The following SLC15A4 variants were observed in gnomAD, a reference collection of about 807,000 sequenced individuals.
SLC15A4 encodes the protein hPHT1.
A neutral mutation model predicts 46.1 loss-of-function variants in SLC15A4; 26 were observed. The observed-to-expected ratio is 0.56, with a 90% CI of 0.41 to 0.78. SLC15A4 has a LOEUF of 0.78. Among genes scored for constraint, SLC15A4 ranks in the 30% least tolerant of loss-of-function variants. The pLI is 0.00. For synonymous variants in SLC15A4, 370 were observed against 333.4 expected (o/e 1.11, Z -1.20); for missense variants, 751 against 755.7 (o/e 0.99, Z 0.07).
intron 7 of SLC15A4, among the ~76,000 whole-genome samples, chr12:128,797,650 C>A (rs922527075): frequency 1.3e-5 from 2 of 152,178 alleles, no homozygotes; most frequent in Admixed American, 6.5e-5. Context: ...GTGTCGGTCA[C>A]GAGATGGTGA....
In SLC15A4 at chr12:128,809,532, G is replaced by A. The variant is rs1450480558; in HGVS notation, c.1012-59C>T. ...CCAACTGTGCTCTCAAACACTCTAA[G>A]CATCCTGCCCCTCCCCTAAGCTAGA... is the stretch of plus-strand genomic sequence containing the variant. On this transcript the variant is annotated intron_variant, in intron 3 of 7. Transcript: ENST00000266771. 9 of 1,067,372 alleles carry A rather than the reference G, an allele frequency of 8.4e-6. No homozygotes were observed. In the East Asian group the frequency reaches 1.9e-4, roughly 23 times the overall value. The allele number at this position is 1,067,372 out of a possible 1,614,324, so 66.1% of individuals were successfully genotyped here. A position where few individuals can be genotyped will look rare whatever the true frequency, so the allele number is the denominator to read the frequency against.
intron 1 of SLC15A4, among the ~76,000 whole-genome samples, chr12:128,821,753 G>A (rs914153630): frequency 3.3e-5 from 5 of 152,070 alleles, no homozygotes; most frequent in Non-Finnish European, 5.9e-5. Flanking sequence ...GGGCACAGTG[G>A]CGTGCACGTG....
chr12:128,803,243 A>G, intron 5 of SLC15A4, among the ~76,000 whole-genome samples: 1 of 152,232 alleles, frequency 6.6e-6, no homozygotes, highest in African/African-American at 2.4e-5. Flanking sequence ...AAAGATTGTA[A>G]ATAAAGGAGA....
At chr12:128,796,223 G>C (rs928257425) in intron 7 of SLC15A4, among the ~76,000 whole-genome samples, 1 of 151,982 alleles carries the variant, frequency 6.6e-6, no homozygotes, top group African/African-American at 2.4e-5. Flanking sequence ...CAGGAATTCA[G>C]AATCAGCCTG....
At chr12:128,813,164 T>G (rs941737071) in intron 2 of SLC15A4, 1 of 151,706 alleles carries the variant, frequency 6.6e-6, no homozygotes, top group Non-Finnish European at 1.5e-5. Flanking sequence ...AAAAGACTAG[T>G]GTCAGCTAAG....
rs1217304362 is a variant in SLC15A4 at position 128,823,544 on chromosome 12, C to T, written c.400G>A (p.Gly134Ser). 3.4e-6 allele frequency: 5 copies of T among 1,452,638 alleles called. No individual in the cohort carries two copies. The highest frequency in any genetic ancestry group is 4.5e-6 in the Non-Finnish European group (5 of 1,110,768). 90.0% of individuals were successfully genotyped at this position (1,452,638 alleles called of 1,614,324 possible). The change falls in exon 1 of 8, where the codon GGT becomes AGT. Residue 134 changes from glycine (G) to serine (S), a missense_variant. By Grantham distance (56) the Gly-to-Ser change is moderately conservative. Transcript: ENST00000266771. ...AAPATRAALC[G>S]SARLLNCTAP... is the part of the protein sequence containing the mutation. Reference sequence around the variant, plus strand: ...GTGCAGTTGAGCAGGCGCGCGGAACCGCAGAGCGCGGCTCGCGTGGCGGGC... The same window carrying T: ...GTGCAGTTGAGCAGGCGCGCGGAACTGCAGAGCGCGGCTCGCGTGGCGGGC...
chr12:128,809,895 G>A, intron 3 of SLC15A4, 48 bp downstream of exon 3: 4 of 1,574,058 alleles, frequency 2.5e-6, no homozygotes, highest in Non-Finnish European at 3.5e-6. Context: ...GCTAGGGTAA[G>A]ACTTCATAGG....
At chr12:128,796,957 G>A (rs910135660) in intron 7 of SLC15A4, among the ~76,000 whole-genome samples, 9 of 152,154 alleles carry the variant, frequency 5.9e-5, no homozygotes, top group African/African-American at 1.4e-4. Context: ...ACCACGCCTC[G>A]TCAGGGTCTG....
In SLC15A4 at chr12:128,820,747, C is replaced by G. The variant is rs539853168; in HGVS notation, c.546+2651G>C. On this transcript the variant is annotated intron_variant, in intron 1 of 7. Coordinates refer to ENST00000266771, the MANE Select transcript of SLC15A4 (RefSeq NM_145648.4). ...ACTTAGGTACTTAGCAAGCACTGTG[C>G]CTGGTGCACAGTAAGCTCTCAGTAA... 2.0e-5 allele frequency among the ~76,000 whole-genome samples: 3 copies of G among 152,348 alleles called. No homozygotes were observed. In the South Asian group the frequency reaches 6.2e-4, roughly 32 times the overall value.
chr12:128,796,431 A>AG (rs1955443429), intron 7 of SLC15A4, among the ~76,000 whole-genome samples: 1 of 22,354 alleles, frequency 4.5e-5, no homozygotes, highest in Non-Finnish European at 1.1e-4. Flanking sequence ...CTCCATCTCA[A>AG]AAAAAAAAAA....
In SLC15A4 at chr12:128,793,782, T is replaced by C. The variant is rs1437413514; in HGVS notation, c.*414A>G. 1 of 5,042 alleles carries C rather than the reference T, an allele frequency of 2.0e-4. No individual in the cohort carries two copies. Among genetic ancestry groups the C allele is most frequent in the African/African-American group, 7.8e-4 (1 of 1,282 alleles). 0.3% of individuals were successfully genotyped at this position (5,042 alleles called of 1,614,324 possible). A position where few individuals can be genotyped will look rare whatever the true frequency, so the allele number is the denominator to read the frequency against. ...TTTCTTAAATATAAGTAACAGTTTATTAATTTTTTTTTTACAGTGAGATAT... is the reference window on the plus strand; with the variant it reads ...TTTCTTAAATATAAGTAACAGTTTACTAATTTTTTTTTTACAGTGAGATAT... On this transcript the variant is annotated 3_prime_UTR_variant, in exon 8 of 8. Transcript: ENST00000266771.
intron 2 of SLC15A4, among the ~76,000 whole-genome samples, chr12:128,810,890 G>C (rs1955649017): frequency 6.6e-6 from 1 of 152,214 alleles, no homozygotes; most frequent in African/African-American, 2.4e-5. Flanking sequence ...GGTATGGCCA[G>C]GACTTGGACC....
intron 5 of SLC15A4, among the ~76,000 whole-genome samples, chr12:128,803,059 G>T (rs566910327): frequency 1.3e-5 from 2 of 152,290 alleles, no homozygotes; most frequent in South Asian, 4.1e-4. Context: ...CAGTGACATG[G>T]CAAGCGGGCA....
At position 128,823,624 on chromosome 12, in the gene SLC15A4, A is replaced by T. The variant is rs1194148481; in HGVS notation, c.320T>A (p.Leu107Gln). 2.0e-6 allele frequency: 3 copies of T among 1,474,536 alleles called. No homozygotes were observed. Among genetic ancestry groups the T allele is most frequent in the Non-Finnish European group, 2.7e-6 (3 of 1,117,696 alleles). The allele number at this position is 1,474,536 out of a possible 1,614,324, so 91.3% of individuals were successfully genotyped here. A position where few individuals can be genotyped will look rare whatever the true frequency, so the allele number is the denominator to read the frequency against. ...CAGCAGGTAGAGCGCCAGGCTCAGC[A>T]GGATGGCGCGCGCCCGGCCCAGCCG... is the stretch of plus-strand genomic sequence containing the variant. ...DARLGRARAI[L>Q]LSLALYLLGM... Residue 107 changes from leucine to glutamine, a missense_variant, in exon 1 of 8, where the codon CTG becomes CAG. Leu to Gln is a moderately radical substitution (Grantham distance 113, BLOSUM62 -2). Transcript: ENST00000266771.
intron 7 of SLC15A4, among the ~76,000 whole-genome samples, chr12:128,794,944 T>C (rs1955428093): frequency 6.6e-6 from 1 of 152,200 alleles, no homozygotes; most frequent in Admixed American, 6.5e-5. Flanking sequence ...TGAGGCAGTG[T>C]TCCTCTCCTC....
Position 128,814,889 on chromosome 12 carries a change from C to G in SLC15A4, c.728G>C (p.Gly243Ala). ...VGLAFVVFLCGQSVFITKPPD... is the reference protein window; with the variant it reads ...VGLAFVVFLCAQSVFITKPPD... ...AGGCTTGGTGATGAAAACGCTCTGG[C>G]CACAGAGGAAGACCACAAAAGCAAG... The change falls in exon 2 of 8, where the codon GGC (glycine) becomes GCC (alanine). Residue 243 changes from glycine to alanine, a missense_variant. By Grantham distance (60) the Gly-to-Ala change is moderately conservative. Transcript: ENST00000266771. The G allele has an allele frequency of 6.2e-7, 1 of 1,614,122 alleles. No homozygotes were observed. Among genetic ancestry groups the G allele is most frequent in the Non-Finnish European group, 8.5e-7 (1 of 1,180,028 alleles).
chr12:128,799,533 C>A (rs1955490192), intron 6 of SLC15A4, 116 bp from the exon 7 acceptor site: 1 of 1,043,676 alleles, frequency 9.6e-7, no homozygotes, highest in African/African-American at 1.6e-5. Context: ...CTGAGTCCTG[C>A]AGACAGGCAC....
At chr12:128,811,932 G>A (rs984376854) in intron 2 of SLC15A4, among the ~76,000 whole-genome samples, 5 of 152,142 alleles carry the variant, frequency 3.3e-5, no homozygotes, top group South Asian at 4.1e-4. Flanking sequence ...ACGAAGCCAC[G>A]GTCACAAGTG....
chr12:128,823,710 C>A lies in SLC15A4; in HGVS notation c.234G>T (p.Leu78=). The A allele has an allele frequency of 1.3e-6, 2 of 1,531,520 alleles. No individual in the cohort carries two copies. The highest frequency in any genetic ancestry group is 2.6e-5 in the East Asian group (1 of 38,666). The allele number at this position is 1,531,520 out of a possible 1,614,324, so 94.9% of individuals were successfully genotyped here. ...GGTAGGTGAGGCCCATGAAGAGCAG[C>A]AGCGCCTCGCTGGCCTGCGCGCCCT... ...CWEGAQASEA[L]LLFMGLTYLG... is the part of the protein sequence containing the mutation. The change falls in exon 1 of 8, where the codon CTG becomes CTT. Residue 78 remains leucine (L), a synonymous_variant. Coordinates refer to ENST00000266771, the MANE Select transcript of SLC15A4 (RefSeq NM_145648.4).
Sources: allele counts gnomAD v4.1 joint callset (sites outside exome capture counted in the v4.1 genomes callset), GRCh38; gene constraint gnomAD v4.1.1; transcripts MANE v1.5; gene names NCBI Gene and HGNC (gene_info 2026-07-23, HGNC 2026-07-21).